GPC6: variants seen among roughly 807,000 people sequenced by gnomAD.
GPC6 encodes the protein glypican-6.
GPC6 carries 14 observed loss-of-function variants against 55.2 expected under a neutral mutation model. That is an observed-to-expected ratio of 0.25 (90% CI 0.17 to 0.40). The LOEUF (loss-of-function observed/expected upper bound fraction) is 0.40. Among genes scored for constraint, GPC6 ranks in the 10% least tolerant of loss-of-function variants. GPC6 has a pLI of 1.00. For missense variants in GPC6, 641 were observed against 708.5 expected (o/e 0.90, Z 1.08); for synonymous variants, 278 against 259.6 (o/e 1.07, Z -0.68).
intron 4 of GPC6, among the ~76,000 whole-genome samples, chr13:94,050,507 A>G (rs575130201): frequency 6.6e-6 from 1 of 152,268 alleles, no homozygotes; most frequent in East Asian, 1.9e-4. Context: ...AAGGCTTCCA[A>G]TTGTTCCACT....
chr13:93,269,164 G>A (rs1045410839), intron 1 of GPC6, among the ~76,000 whole-genome samples: 1 of 152,086 alleles, frequency 6.6e-6, no homozygotes, highest in African/African-American at 2.4e-5. Flanking sequence ...GAGAAGATGC[G>A]TTTGTCTAGC....
chr13:94,379,045 T>C (rs1417711397), intron 6 of GPC6, among the ~76,000 whole-genome samples: 1 of 151,804 alleles, frequency 6.6e-6, no homozygotes, highest in Non-Finnish European at 1.5e-5. Flanking sequence ...CACTTAAGTT[T>C]CCAGGAAAAA....
chr13:93,760,753 A>T (rs1243803661), intron 2 of GPC6, among the ~76,000 whole-genome samples: 1 of 152,182 alleles, frequency 6.6e-6, no homozygotes, highest in African/African-American at 2.4e-5. Context: ...ATTCTAGCAA[A>T]TGATTACATG....
chr13:93,982,201 A>C (rs928710518), intron 3 of GPC6, among the ~76,000 whole-genome samples: 4 of 152,228 alleles, frequency 2.6e-5, no homozygotes, highest in Non-Finnish European at 5.9e-5. Context: ...TCCAACAGAG[A>C]AAATATGAAA....
chr13:94,335,804 G>A (rs73551861), intron 6 of GPC6, among the ~76,000 whole-genome samples: 6,363 of 151,270 alleles, frequency 0.042, 210 homozygotes, highest in African/African-American at 0.088. Context: ...GAACTTTAGG[G>A]AGAACATCCA....
At chr13:93,414,544 A>C (rs1876625459) in intron 1 of GPC6, among the ~76,000 whole-genome samples, 1 of 152,100 alleles carries the variant, frequency 6.6e-6, no homozygotes, top group Non-Finnish European at 1.5e-5. Flanking sequence ...AGTGATTGGC[A>C]CACTGTGGGT....
intron 2 of GPC6, among the ~76,000 whole-genome samples, chr13:93,749,372 C>T (rs1437256091): frequency 1.3e-5 from 2 of 151,902 alleles, no homozygotes; most frequent in Non-Finnish European, 2.9e-5. Flanking sequence ...AAATTCACTG[C>T]TTTCTACCGT....
intron 3 of GPC6, among the ~76,000 whole-genome samples, chr13:93,918,470 G>T (rs1877401788): frequency 6.6e-6 from 1 of 151,724 alleles, no homozygotes; most frequent in African/African-American, 2.4e-5. Context: ...AAAAAAAAAA[G>T]TGGGACATGG....
chr13:93,302,159 CTT>C (rs1017574841), intron 1 of GPC6, among the ~76,000 whole-genome samples: 1 of 152,242 alleles, frequency 6.6e-6, no homozygotes, highest in Middle Eastern at 3.4e-3. Context: ...TGTGAGGATA[CTT>C]TTTTTCTGGC....
chr13:94,194,817 T>G (rs1889513690), intron 4 of GPC6, among the ~76,000 whole-genome samples: 1 of 151,882 alleles, frequency 6.6e-6, no homozygotes, highest in African/African-American at 2.4e-5. Flanking sequence ...GAGATGCTTG[T>G]AGTTCTGAAA....
chr13:93,515,934 A>T (rs1340093641), intron 1 of GPC6, among the ~76,000 whole-genome samples: 1 of 152,176 alleles, frequency 6.6e-6, no homozygotes, highest in African/African-American at 2.4e-5. Flanking sequence ...AAAATAGTAA[A>T]TATCTAGCAA....
At chr13:94,290,992 G>C (rs896341541) in intron 5 of GPC6, among the ~76,000 whole-genome samples, 10 of 152,152 alleles carry the variant, frequency 6.6e-5, no homozygotes, top group Non-Finnish European at 1.3e-4. Context: ...AGGAGTTCGA[G>C]ACCAGCCTAG....
chr13:93,696,084 A>G (rs945815674), intron 2 of GPC6, among the ~76,000 whole-genome samples: 2 of 152,190 alleles, frequency 1.3e-5, no homozygotes, highest in African/African-American at 4.8e-5. Flanking sequence ...ATTCCCAAAT[A>G]CATGGAAATA....
chr13:94,345,753 C>G (rs1217789412), intron 6 of GPC6, among the ~76,000 whole-genome samples: 4 of 152,154 alleles, frequency 2.6e-5, no homozygotes, highest in Admixed American at 2.0e-4. Flanking sequence ...TTGTTGGTAT[C>G]ATTATTATTT....
chr13:93,652,557 T>G (rs892589865), intron 2 of GPC6, among the ~76,000 whole-genome samples: 1 of 152,206 alleles, frequency 6.6e-6, no homozygotes, highest in Non-Finnish European at 1.5e-5. Context: ...CAGTGGCTTT[T>G]GAGTTTTCAA....
chr13:94,323,292 G>A (rs1304996864), intron 6 of GPC6, among the ~76,000 whole-genome samples: 2 of 152,156 alleles, frequency 1.3e-5, no homozygotes, highest in African/African-American at 2.4e-5. Flanking sequence ...ATGTGATTGT[G>A]TGCTAATTAC....
intron 2 of GPC6, among the ~76,000 whole-genome samples, chr13:93,748,641 T>TA: frequency 6.6e-6 from 1 of 152,256 alleles, no homozygotes; most frequent in South Asian, 2.1e-4. Context: ...CTAAATTGGT[T>TA]AATATTATTA....
intron 1 of GPC6, among the ~76,000 whole-genome samples, chr13:93,427,779 T>C (rs1594162590): frequency 1.3e-5 from 2 of 152,258 alleles, no homozygotes; most frequent in East Asian, 1.9e-4. Flanking sequence ...CAATAGTCCG[T>C]TCAGTGCAAA....
chr13:93,303,118 C>T (rs948262999), intron 1 of GPC6, among the ~76,000 whole-genome samples: 1 of 152,180 alleles, frequency 6.6e-6, no homozygotes, highest in African/African-American at 2.4e-5. Flanking sequence ...CTTCCACATT[C>T]TGTCTATAAA....
Sources: allele counts gnomAD v4.1 joint callset (sites outside exome capture counted in the v4.1 genomes callset), GRCh38; gene constraint gnomAD v4.1.1; transcripts MANE v1.5; gene names NCBI Gene and HGNC (gene_info 2026-07-23, HGNC 2026-07-21).